WDFY4: variants seen among roughly 807,000 people sequenced by gnomAD.
WDFY4 encodes WDFY family member 4.
In WDFY4, 169 loss-of-function variants were observed where a neutral mutation model predicts 351.9. The ratio of observed to expected loss-of-function variants is 0.48; its 90% confidence interval spans 0.42 to 0.55. WDFY4 has a LOEUF of 0.55. WDFY4 is among the 20% of genes least tolerant of loss of function. WDFY4 has a pLI of 0.00. For missense variants in WDFY4, 3,803 were observed against 3,935.6 expected (o/e 0.97, Z 0.90); for synonymous variants, 1,622 against 1,574.6 (o/e 1.03, Z -0.71).
Position 48,793,622 on chromosome 10 carries a change from G to A in WDFY4, c.4258-2676G>A, listed in dbSNP as rs189261272. Among the ~76,000 whole-genome samples the A allele has an allele frequency of 8.7e-4, 133 of 152,134 alleles. 1 individual carries two copies. Among genetic ancestry groups the A allele is most frequent in the African/African-American group, 3.1e-3 (130 of 41,486 alleles). On this transcript the variant is annotated intron_variant, in intron 23 of 61. Coordinates refer to ENST00000325239, the MANE Select transcript of WDFY4 (RefSeq NM_001394531.1). ...GTGCATTTGCGTGATGTCTGCTTCCGTATTGCCACGTTTGTGTCTGTTTCA... is the reference window on the plus strand; with the variant it reads ...GTGCATTTGCGTGATGTCTGCTTCCATATTGCCACGTTTGTGTCTGTTTCA...
At position 48,957,204 on chromosome 10, in the gene WDFY4, A is replaced by T; in HGVS notation, c.8053A>T (p.Met2685Leu). The change falls in exon 52 of 62, where the codon ATG becomes TTG. Residue 2685 changes from methionine (M) to leucine (L), a missense_variant. Around this residue, in one of 3 missense-constraint regions of WDFY4, gnomAD observed 3,054 missense variants for 3,148.6 expected, o/e 0.97. Coordinates refer to ENST00000325239, the MANE Select transcript of WDFY4 (RefSeq NM_001394531.1). ...STWESASRENMSDVRELTPEF... is the reference protein window; with the variant it reads ...STWESASRENLSDVRELTPEF... ...GTGGGAGTCGGCCTCCAGAGAGAAC[A>T]TGAGTGACGTCAGGGAGCTGACCCC... 1.5e-5 allele frequency: 23 copies of T among 1,551,694 alleles called. No individual in the cohort carries two copies. The highest frequency in any genetic ancestry group is 1.8e-5 in the Non-Finnish European group (21 of 1,146,992).
rs180868515 is a variant in WDFY4 at position 48,781,484 on chromosome 10, C to T, written c.3576+1365C>T. 7.9e-5 allele frequency among the ~76,000 whole-genome samples: 12 copies of T among 152,048 alleles called. No homozygotes were observed. The South Asian group carries it at 1.2e-3, about 16-fold the overall frequency. ...CTAATTTTTGTATTTTTAGTAGAGA[C>T]GGGGTTTCACCAGGCTGGCCAGGCT... On this transcript the variant is annotated intron_variant, in intron 19 of 61. Coordinates refer to ENST00000325239, the MANE Select transcript of WDFY4 (RefSeq NM_001394531.1).
chr10:48,740,293 A>G (rs542923152), intron 11 of WDFY4, among the ~76,000 whole-genome samples: 1 of 152,354 alleles, frequency 6.6e-6, no homozygotes, highest in South Asian at 2.1e-4. Context: ...GGTATGGTTT[A>G]TCAGTTAGAA....
At chr10:48,971,932 C>T (rs1590022721) in intron 57 of WDFY4, among the ~76,000 whole-genome samples, 1 of 152,170 alleles carries the variant, frequency 6.6e-6, no homozygotes, top group African/African-American at 2.4e-5. Flanking sequence ...TTACAGCTTG[C>T]CCTGGGGACT....
At chr10:48,701,107 G>A (rs2063468365) in intron 1 of WDFY4, among the ~76,000 whole-genome samples, 1 of 152,098 alleles carries the variant, frequency 6.6e-6, no homozygotes, top group South Asian at 2.1e-4. Flanking sequence ...CCAGTCTCTG[G>A]GAACCACCAT....
intron 24 of WDFY4, among the ~76,000 whole-genome samples, chr10:48,799,026 G>A (rs757801477): frequency 6.6e-6 from 1 of 152,176 alleles, no homozygotes; most frequent in Non-Finnish European, 1.5e-5. Flanking sequence ...TGCAACCGCT[G>A]CTGCCCCTTC....
chr10:48,765,739 GA>G (rs796869235), intron 13 of WDFY4, among the ~76,000 whole-genome samples: 31 of 152,300 alleles, frequency 2.0e-4, no homozygotes, highest in African/African-American at 7.5e-4. Flanking sequence ...AGGGAAGTGA[GA>G]GGTTACAGAA....
chr10:48,729,889 C>T (rs1214902814), intron 8 of WDFY4, among the ~76,000 whole-genome samples: 1 of 152,200 alleles, frequency 6.6e-6, no homozygotes, highest in Non-Finnish European at 1.5e-5. Flanking sequence ...AAACAGCCAT[C>T]CAGGTTCAGA....
intron 50 of WDFY4, 50 bp from the exon 51 acceptor site, chr10:48,946,810 G>C: frequency 7.4e-7 from 1 of 1,351,326 alleles, no homozygotes; most frequent in South Asian, 1.3e-5. Context: ...TATCTGCCAC[G>C]TGTGAGTGCA....
In WDFY4 at chr10:48,963,863, A is replaced by G. The variant is rs1256609032; in HGVS notation, c.8245A>G (p.Ser2749Gly). The change falls in exon 54 of 62, where the codon AGT becomes GGT. Residue 2749 changes from serine (S) to glycine (G), a missense_variant. Ser to Gly is a moderately conservative substitution (Grantham distance 56, BLOSUM62 0). Coordinates refer to ENST00000325239, the MANE Select transcript of WDFY4 (RefSeq NM_001394531.1). ...CCAGGCCCTGGAAAGTGACTTTGTCAGTGCCAACCTCCACCATTGGATAGA... is the reference window on the plus strand; with the variant it reads ...CCAGGCCCTGGAAAGTGACTTTGTCGGTGCCAACCTCCACCATTGGATAGA... The part of the protein sequence containing the change: ...HRKALESDFV[S>G]ANLHHWIDLI... 1 of 1,551,626 alleles carries G rather than the reference A, an allele frequency of 6.4e-7. No individual in the cohort carries two copies. Among genetic ancestry groups the G allele is most frequent in the Admixed American group, 2.0e-5 (1 of 50,994 alleles).
In WDFY4 at chr10:48,981,465, C is replaced by T; in HGVS notation, c.9475C>T (p.Leu3159=). ...CAAAACCAGCCCCGCAGTGACTGCT[C>T]TGGCCGTGTCCAGGTAAGCGCGGCC... is the stretch of plus-strand genomic sequence containing the variant. ...PSKTSPAVTA[L]AVSRNHTKLL... The change falls in exon 61 of 62, where the codon CTG becomes TTG. Residue 3159 remains leucine (L), a synonymous_variant. Coordinates refer to ENST00000325239, the MANE Select transcript of WDFY4 (RefSeq NM_001394531.1). 6.4e-7 allele frequency: 1 copy of T among 1,551,656 alleles called. No individual in the cohort carries two copies. The highest frequency in any genetic ancestry group is 1.4e-5 in the African/African-American group (1 of 73,178).
intron 37 of WDFY4, among the ~76,000 whole-genome samples, chr10:48,829,274 A>G (rs570921236): frequency 1.3e-5 from 2 of 152,324 alleles, no homozygotes; most frequent in African/African-American, 4.8e-5. Flanking sequence ...AATTTAGTTC[A>G]AGCCATTACC....
At chr10:48,725,200 AGG>A (rs2064225961) in intron 5 of WDFY4, among the ~76,000 whole-genome samples, 1 of 152,222 alleles carries the variant, frequency 6.6e-6, no homozygotes, top group Non-Finnish European at 1.5e-5. Context: ...TCAGACTAGA[AGG>A]GGAAAATGTC....
At position 48,790,822 on chromosome 10, in the gene WDFY4, G is replaced by T; in HGVS notation, c.4162G>T (p.Asp1388Tyr). Residue 1388 changes from aspartate (D) to tyrosine (Y), a missense_variant, in exon 23 of 62, where the codon GAC (aspartate) becomes TAC (tyrosine). Around this residue, in one of 3 missense-constraint regions of WDFY4, gnomAD observed 3,054 missense variants for 3,148.6 expected, o/e 0.97. Transcript: ENST00000325239. ...LLGLISLATD[D>Y]HTMYAAVKVL... ...GGGCCTCATCTCCTTAGCGACAGAT[G>T]ACCATACCATGTATGCGGCTGTGAA... 6.4e-7 allele frequency: 1 copy of T among 1,551,808 alleles called. No homozygotes were observed. Among genetic ancestry groups the T allele is most frequent in the Non-Finnish European group, 8.7e-7 (1 of 1,147,026 alleles).
chr10:48,916,163 G>A (rs940140543), intron 47 of WDFY4, among the ~76,000 whole-genome samples: 1 of 152,142 alleles, frequency 6.6e-6, no homozygotes, highest in Admixed American at 6.5e-5. Context: ...AGACCAATCT[G>A]GCCACAAGTT....
At chr10:48,803,385 G>A (rs1044414172) in intron 25 of WDFY4, 26 bp downstream of exon 25, 4 of 1,549,842 alleles carry the variant, frequency 2.6e-6, no homozygotes, top group Non-Finnish European at 3.5e-6. Context: ...GCAGCCTGGG[G>A]GTTAGAACTG....
chr10:48,913,955 G>T, intron 47 of WDFY4: 2 of 1,614,184 alleles, frequency 1.2e-6, no homozygotes, highest in Non-Finnish European at 1.7e-6. Flanking sequence ...TGGAGATGGA[G>T]TCAGGGATCT....
At chr10:48,874,173 AAT>A (rs2069901612) in intron 41 of WDFY4, among the ~76,000 whole-genome samples, 1 of 152,212 alleles carries the variant, frequency 6.6e-6, no homozygotes. Context: ...CTGTTTCTGC[AAT>A]TTTGAGCCAG....
chr10:48,746,749 G>A (rs150082417), intron 12 of WDFY4, among the ~76,000 whole-genome samples: 2,403 of 151,958 alleles, frequency 0.016, 63 homozygotes, highest in African/African-American at 0.054. Flanking sequence ...GAATTAACAG[G>A]CATACTCATG....
Sources: allele counts gnomAD v4.1 joint callset (sites outside exome capture counted in the v4.1 genomes callset), GRCh38; gene constraint gnomAD v4.1.1; regional missense constraint gnomAD v4.1.1; transcripts MANE v1.5; gene names NCBI Gene and HGNC (gene_info 2026-07-23, HGNC 2026-07-21).